The following TMEM132A variants were observed in gnomAD, a reference collection of about 807,000 sequenced individuals.
TMEM132A encodes the protein GRP78-binding protein.
Under a neutral mutation model 69.9 loss-of-function variants are expected in TMEM132A, and 48 were observed. The ratio of observed to expected loss-of-function variants is 0.69; its 90% confidence interval spans 0.55 to 0.87. TMEM132A has a LOEUF of 0.87. TMEM132A is among the 40% of genes least tolerant of loss of function. TMEM132A has a pLI of 0.00. For synonymous variants in TMEM132A, 577 were observed against 613.7 expected, an observed-to-expected ratio of 0.94 and a Z score of 0.88; for missense variants, 1,287 against 1,407.2, an observed-to-expected ratio of 0.91 and a Z score of 1.37.
chr11:60,924,575 G>T lies in TMEM132A; in HGVS notation c.-59G>T. Reference sequence around the variant, plus strand: ...ACGGCGCGGAGCGGGTGCGGGAGATGCCGTGCGGGACTGGGGCCACCTGAG... The same window carrying T: ...ACGGCGCGGAGCGGGTGCGGGAGATTCCGTGCGGGACTGGGGCCACCTGAG... On this transcript the variant is annotated 5_prime_UTR_variant, in exon 1 of 11. An upstream start codon of the reference 5' UTR is lost. Coordinates refer to ENST00000453848, the MANE Select transcript of TMEM132A (RefSeq NM_178031.3). The T allele has an allele frequency of 1.4e-6, 2 of 1,400,344 alleles. No homozygotes were observed. The allele number at this position is 1,400,344 out of a possible 1,614,324, so 86.7% of individuals were successfully genotyped here.
At position 60,924,578 on chromosome 11, in the gene TMEM132A, G is replaced by T. The variant is rs1856308792; in HGVS notation, c.-56G>T. On this transcript the variant is annotated 5_prime_UTR_variant, in exon 1 of 11. Transcript: ENST00000453848. Reference sequence around the variant, plus strand: ...GCGCGGAGCGGGTGCGGGAGATGCCGTGCGGGACTGGGGCCACCTGAGCCG... The same window carrying T: ...GCGCGGAGCGGGTGCGGGAGATGCCTTGCGGGACTGGGGCCACCTGAGCCG... 2.1e-6 allele frequency: 3 copies of T among 1,427,866 alleles called. No homozygotes were observed. Among genetic ancestry groups the T allele is most frequent in the South Asian group, 2.5e-5 (2 of 80,830 alleles). The allele number at this position is 1,427,866 out of a possible 1,614,324, so 88.4% of individuals were successfully genotyped here.
chr11:60,927,578 C>T, intron 2 of TMEM132A, 63 bp from the exon 3 acceptor site: 1 of 1,498,922 alleles, frequency 6.7e-7, no homozygotes, highest in Non-Finnish European at 9.1e-7. Flanking sequence ...GCTGGGATCC[C>T]ATCTTCCTAG....
chr11:60,927,135 G>C, intron 1 of TMEM132A, 69 bp from the exon 2 acceptor site: 1 of 1,354,844 alleles, frequency 7.4e-7, no homozygotes, highest in South Asian at 1.2e-5. Context: ...CTGTGCCCCA[G>C]CATGGCACCC....
chr11:60,926,670 C>G (rs565817685), intron 1 of TMEM132A: 52 of 183,678 alleles, frequency 2.8e-4, no homozygotes, highest in Middle Eastern at 4.6e-3. Context: ...CACTTGCACT[C>G]GATACCAGTC....
chr11:60,930,210 T>G (rs1320128559), intron 4 of TMEM132A, among the ~76,000 whole-genome samples: 1 of 151,750 alleles, frequency 6.6e-6, no homozygotes, highest in Admixed American at 6.6e-5. Context: ...AAGCAGAGAG[T>G]GCATGGAGAG....
intron 9 of TMEM132A, 105 bp downstream of exon 9, chr11:60,934,869 T>G: frequency 2.4e-6 from 3 of 1,253,092 alleles, no homozygotes; most frequent in East Asian, 5.0e-5. Context: ...CCAGAGTGTG[T>G]GGGGGAGTTG....
intron 1 of TMEM132A, 25 bp downstream of exon 1, chr11:60,924,758 C>T: frequency 6.8e-7 from 1 of 1,480,516 alleles, no homozygotes; most frequent in Non-Finnish European, 9.0e-7. Context: ...AGGGCCGGGG[C>T]GAGGGGCGGC....
intron 1 of TMEM132A, chr11:60,925,430 C>T (rs1431043324): frequency 1.3e-5 from 2 of 152,380 alleles, no homozygotes; most frequent in Non-Finnish European, 2.9e-5. Flanking sequence ...CCGAGAGAGC[C>T]GAGCGCTGGG....
At chr11:60,927,154 C>T (rs770520132) in intron 1 of TMEM132A, 50 bp from the exon 2 acceptor site, 1 of 1,537,040 alleles carries the variant, frequency 6.5e-7, no homozygotes, top group Non-Finnish European at 8.9e-7. Flanking sequence ...CCGGGTCAGC[C>T]CCTGCCAGCT....
rs530451860 is a variant in TMEM132A, at chr11:60,935,052, C to A, written c.1837-200C>A. On this transcript the variant is annotated intron_variant, in intron 9 of 10. Coordinates refer to ENST00000453848, the MANE Select transcript of TMEM132A (RefSeq NM_178031.3). This position sits in a 1 kb window ranked among gnomAD's most constrained non-coding sequence, Gnocchi z 5.0. Reference sequence around the variant, plus strand: ...GTGGGATTGGGGTCCAGGTATGCACCGGGGTGCAAAGAGTAGAGGGATAGT... The same window carrying A: ...GTGGGATTGGGGTCCAGGTATGCACAGGGGTGCAAAGAGTAGAGGGATAGT... Among the ~76,000 whole-genome samples, 1 of 152,060 alleles carries A rather than the reference C, an allele frequency of 6.6e-6. No individual in the cohort carries two copies. Among genetic ancestry groups the A allele is most frequent in the Non-Finnish European group, 1.5e-5 (1 of 67,986 alleles).
chr11:60,924,563 G>A lies in TMEM132A; in HGVS notation c.-71G>A. 7.7e-7 allele frequency: 1 copy of A among 1,298,640 alleles called. No homozygotes were observed. Among genetic ancestry groups the A allele is most frequent in the Non-Finnish European group, 1.0e-6 (1 of 955,170 alleles). 80.4% of individuals were successfully genotyped at this position (1,298,640 alleles called of 1,614,324 possible). A position where few individuals can be genotyped will look rare whatever the true frequency, so the allele number is the denominator to read the frequency against. ...GGCCAGGTGGGGACGGCGCGGAGCG[G>A]GTGCGGGAGATGCCGTGCGGGACTG... is the stretch of plus-strand genomic sequence containing the variant. On this transcript the variant is annotated 5_prime_UTR_variant, in exon 1 of 11. Coordinates refer to ENST00000453848, the MANE Select transcript of TMEM132A (RefSeq NM_178031.3).
At chr11:60,927,604 GCTC>G (rs1856374235) in intron 2 of TMEM132A, 34 bp from the exon 3 acceptor site, 17 of 1,568,672 alleles carry the variant, frequency 1.1e-5, no homozygotes, top group Non-Finnish European at 1.4e-5. Flanking sequence ...CCCCTCCCAA[GCTC>G]CTCTTTTGTT....
At position 60,932,122 on chromosome 11, in the gene TMEM132A, C is replaced by T; in HGVS notation, c.1351C>T (p.Leu451=). 1.3e-6 allele frequency: 2 copies of T among 1,534,128 alleles called. No individual in the cohort carries two copies. The highest frequency in any genetic ancestry group is 1.7e-6 in the Non-Finnish European group (2 of 1,143,680). ...CTGCGAGTCTGCCAACACACAGGTC[C>T]TGCAGGTGAGTGGCAGGTGCCCAGC... ...VGCESANTQV[L]QVSEACDAVF... The change falls in exon 7 of 11, where the codon CTG becomes TTG. Residue 451 remains leucine, a synonymous_variant. Coordinates refer to ENST00000453848, the MANE Select transcript of TMEM132A (RefSeq NM_178031.3).
At position 60,934,294 on chromosome 11, in the gene TMEM132A, G is replaced by A. The variant is rs972133071; in HGVS notation, c.1560-194G>A. On this transcript the variant is annotated intron_variant, in intron 8 of 10. Transcript: ENST00000453848. ...GGTGATCGAGGCACAGCGCCAGTCG[G>A]GAGTGGGCTGGGGCGGCTCGCCTGC... is the stretch of plus-strand genomic sequence containing the variant. 69 of 464,058 alleles carry A rather than the reference G, an allele frequency of 1.5e-4. No individual in the cohort carries two copies. In the South Asian group the frequency reaches 3.0e-3, roughly 20 times the overall value. The allele number at this position is 464,058 out of a possible 1,614,324, so 28.7% of individuals were successfully genotyped here. A position where few individuals can be genotyped will look rare whatever the true frequency, so the allele number is the denominator to read the frequency against.
At chr11:60,928,537 C>T (rs1158976932) in intron 3 of TMEM132A, 92 bp from the exon 4 acceptor site, 2 of 1,255,638 alleles carry the variant, frequency 1.6e-6, no homozygotes, top group African/African-American at 3.0e-5. Context: ...ATGAGCCCCT[C>T]CAGCTCTGGG....
intron 8 of TMEM132A, 105 bp downstream of exon 8, chr11:60,933,849 C>G: frequency 9.1e-7 from 1 of 1,095,754 alleles, no homozygotes; most frequent in Non-Finnish European, 1.3e-6. Flanking sequence ...AGAAAAACTG[C>G]CCTGTTGCTT....
Position 60,934,650 on chromosome 11 carries a change from G to C in TMEM132A, c.1722G>C (p.Leu574=), listed in dbSNP as rs1454892954. ...CGCACCTGCTTGGCCCCGACTGGCT[G>C]CTAGACGTGTCCCACCTCGTGGCGC... is the stretch of plus-strand genomic sequence containing the variant. ...RLTHLLGPDW[L]LDVSHLVAPH... The change falls in exon 9 of 11, where the codon CTG becomes CTC. Residue 574 remains leucine (L), a synonymous_variant. Coordinates refer to ENST00000453848, the MANE Select transcript of TMEM132A (RefSeq NM_178031.3). The C allele has an allele frequency of 6.3e-7, 1 of 1,595,860 alleles. No homozygotes were observed. Among genetic ancestry groups the C allele is most frequent in the Non-Finnish European group, 8.5e-7 (1 of 1,178,160 alleles).
At position 60,936,284 on chromosome 11, in the gene TMEM132A, G is replaced by A. The variant is rs1268498910; in HGVS notation, c.2449G>A (p.Glu817Lys). 5 of 1,613,884 alleles carry A rather than the reference G, an allele frequency of 3.1e-6. No homozygotes were observed. Among genetic ancestry groups the A allele is most frequent in the Admixed American group, 1.7e-5 (1 of 60,014 alleles). ...GGGCAAGTTTGAGCGGGCAGAGGAGGAGGCCAGGAAGGAGGAGACCGAAGC... is the reference window on the plus strand; with the variant it reads ...GGGCAAGTTTGAGCGGGCAGAGGAGAAGGCCAGGAAGGAGGAGACCGAAGC... ...VRGKFERAEE[E>K]ARKEETEARE... The change falls in exon 11 of 11, where the codon GAG (glutamate) becomes AAG (lysine). Residue 817 changes from glutamate (E) to lysine (K), a missense_variant. Transcript: ENST00000453848.
At chr11:60,930,227 C>T (rs1856446193) in intron 4 of TMEM132A, among the ~76,000 whole-genome samples, 1 of 152,192 alleles carries the variant, frequency 6.6e-6, no homozygotes, top group South Asian at 2.1e-4. Context: ...AGAGATGTCA[C>T]AACCGAAGTT....
Sources: gnomAD v4.1 joint callset for allele counts (sites outside exome capture counted in the v4.1 genomes callset) on GRCh38, gnomAD v4.1.1 for gene constraint, Gnocchi (gnomAD v3.1) non-coding constraint, MANE v1.5 for transcripts, NCBI Gene and HGNC (gene_info 2026-07-23, HGNC 2026-07-21) for gene names.